Variants in DCC observed in about 807,000 individuals in gnomAD.
The protein encoded by DCC is DCC netrin 1 receptor, also known as netrin receptor DCC.
Under a neutral mutation model 172.5 loss-of-function variants are expected in DCC, and 58 were observed. The observed-to-expected ratio is 0.34, with a 90% CI of 0.27 to 0.42. DCC has a LOEUF of 0.42. Among genes scored for constraint, DCC ranks in the 10% least tolerant of loss-of-function variants. The pLI, the probability that DCC is intolerant of heterozygous loss-of-function variation, is 1.00. For synonymous variants in DCC, 709 were observed against 644.5 expected, an observed-to-expected ratio of 1.10 and a Z score of -1.52; for missense variants, 1,740 against 1,791.0, an observed-to-expected ratio of 0.97 and a Z score of 0.51.
Position 52,392,495 on chromosome 18 carries a change from A to G in DCC, c.91+51617A>G, listed in dbSNP as rs79501223. Among the ~76,000 whole-genome samples, 11 of 152,250 alleles carry G rather than the reference A, an allele frequency of 7.2e-5. No individual in the cohort carries two copies. The East Asian group carries it at 2.1e-3, about 30-fold the overall frequency. On this transcript the variant is annotated intron_variant, in intron 1 of 28. Coordinates refer to ENST00000442544, the MANE Select transcript of DCC (RefSeq NM_005215.4). ...TAGTGAGAAAGGGTAGTATATGTGT[A>G]AACCCAATTCATATTTACTTTATGT...
At position 53,027,981 on chromosome 18, in the gene DCC, G is replaced by C. The variant is rs574344624; in HGVS notation, c.986-35324G>C. Among the ~76,000 whole-genome samples the C allele has an allele frequency of 1.1e-4, 17 of 152,198 alleles. No homozygotes were observed. The East Asian group carries it at 3.3e-3, about 29-fold the overall frequency. ...TGAATAAAGATAACCATGGAGACCT[G>C]AACAGTGATATATTTAAGAATACTG... On this transcript the variant is annotated intron_variant, in intron 5 of 28. Transcript: ENST00000442544.
chr18:53,472,439 C>T (rs1284914589), intron 25 of DCC, among the ~76,000 whole-genome samples: 1 of 152,066 alleles, frequency 6.6e-6, no homozygotes, highest in Non-Finnish European at 1.5e-5. Context: ...ACTTAGTTGC[C>T]TTTTTTCCCC....
chr18:53,152,741 G>T (rs2054662381), intron 7 of DCC, among the ~76,000 whole-genome samples: 1 of 152,202 alleles, frequency 6.6e-6, no homozygotes, highest in Non-Finnish European at 1.5e-5. Flanking sequence ...GTCCTGATTG[G>T]TTCTTTATTG....
At chr18:52,467,780 G>A (rs1309903232) in intron 1 of DCC, among the ~76,000 whole-genome samples, 1 of 152,104 alleles carries the variant, frequency 6.6e-6, no homozygotes, top group Non-Finnish European at 1.5e-5. Flanking sequence ...GGTTTGATTT[G>A]CATTTCTCTA....
chr18:52,450,799 G>A (rs532953731), intron 1 of DCC, among the ~76,000 whole-genome samples: 25 of 152,110 alleles, frequency 1.6e-4, no homozygotes, highest in African/African-American at 4.8e-4. Flanking sequence ...GGAGAAAATG[G>A]CTACCACTAT....
chr18:52,981,069 A>G (rs555131539), intron 5 of DCC, among the ~76,000 whole-genome samples: 2 of 152,050 alleles, frequency 1.3e-5, no homozygotes, highest in African/African-American at 2.4e-5. Context: ...AGTAATATAC[A>G]CTCTCTGGAT....
At chr18:53,424,696 A>G (rs1424049364) in intron 21 of DCC, among the ~76,000 whole-genome samples, 1 of 152,178 alleles carries the variant, frequency 6.6e-6, no homozygotes, top group African/African-American at 2.4e-5. Flanking sequence ...AAAGTTAGGA[A>G]GCCAAGATGC....
chr18:53,169,531 T>G (rs998790661), intron 8 of DCC, among the ~76,000 whole-genome samples: 8 of 152,100 alleles, frequency 5.3e-5, no homozygotes, highest in African/African-American at 1.9e-4. Flanking sequence ...TTGGCTTAAC[T>G]CCACCACACT....
chr18:53,206,490 T>C (rs201681526), intron 10 of DCC, among the ~76,000 whole-genome samples: 2,167 of 139,822 alleles, frequency 0.015, 44 homozygotes, highest in East Asian at 0.1. Flanking sequence ...ATATATAATG[T>C]ATATGTATTA....
chr18:52,864,120 C>T (rs974685438), intron 2 of DCC, among the ~76,000 whole-genome samples: 8 of 152,178 alleles, frequency 5.3e-5, no homozygotes, highest in African/African-American at 1.9e-4. Flanking sequence ...AAATTTTTAG[C>T]CATGAGTCAG....
intron 12 of DCC, among the ~76,000 whole-genome samples, chr18:53,304,498 T>G (rs1362612307): frequency 1.3e-5 from 2 of 152,170 alleles, no homozygotes; most frequent in Non-Finnish European, 2.9e-5. Flanking sequence ...AGCTCATATC[T>G]TTGATTTACT....
At chr18:52,524,154 T>C (rs1013320130) in intron 1 of DCC, among the ~76,000 whole-genome samples, 11 of 152,226 alleles carry the variant, frequency 7.2e-5, no homozygotes, top group African/African-American at 2.7e-4. Flanking sequence ...TTCTGAAAAT[T>C]TAATGTGATG....
chr18:53,404,186 G>T (rs1318473351), intron 19 of DCC, among the ~76,000 whole-genome samples: 1 of 151,766 alleles, frequency 6.6e-6, no homozygotes, highest in African/African-American at 2.4e-5. Context: ...TAAGCTTATG[G>T]GAAATCAACA....
rs191632774 is a variant in DCC at position 52,728,772 on chromosome 18, G to A, written c.92-23282G>A. ...CAAATGAGGGCCTACGGATGAATGAGTCTCCATAGCCAATAGTTGACAGTG... is the reference window on the plus strand; with the variant it reads ...CAAATGAGGGCCTACGGATGAATGAATCTCCATAGCCAATAGTTGACAGTG... On this transcript the variant is annotated intron_variant, in intron 1 of 28. Transcript: ENST00000442544. Among the ~76,000 whole-genome samples the A allele has an allele frequency of 2.0e-5, 3 of 152,310 alleles. No individual in the cohort carries two copies. The East Asian group carries it at 5.8e-4, about 30-fold the overall frequency.
chr18:53,472,520 A>G (rs1437656379), intron 25 of DCC, among the ~76,000 whole-genome samples: 2 of 152,212 alleles, frequency 1.3e-5, no homozygotes, highest in Non-Finnish European at 2.9e-5. Flanking sequence ...TTCTTCTCAA[A>G]CATTATTGTA....
chr18:52,954,315 AT>A (rs2040706564), intron 5 of DCC, among the ~76,000 whole-genome samples: 1 of 151,924 alleles, frequency 6.6e-6, no homozygotes, highest in African/African-American at 2.4e-5. Flanking sequence ...TTTTTTCAGT[AT>A]TTTTTGGAGA....
chr18:53,325,571 A>G (rs992484036), intron 14 of DCC, among the ~76,000 whole-genome samples: 5 of 152,200 alleles, frequency 3.3e-5, no homozygotes, highest in African/African-American at 1.2e-4. Context: ...CATGTTTTTC[A>G]TATCAATGCA....
chr18:52,554,514 A>G (rs1264820177), intron 1 of DCC, among the ~76,000 whole-genome samples: 2 of 152,156 alleles, frequency 1.3e-5, no homozygotes. Context: ...TTTACAAAAG[A>G]TCAGTGACAG....
At chr18:53,378,208 G>A (rs1282314395) in intron 15 of DCC, among the ~76,000 whole-genome samples, 1 of 152,052 alleles carries the variant, frequency 6.6e-6, no homozygotes, top group Non-Finnish European at 1.5e-5. Flanking sequence ...TTATCCACCT[G>A]CCTCAGCCTC....
Sources: gnomAD v4.1 joint callset for allele counts (sites outside exome capture counted in the v4.1 genomes callset) on GRCh38, gnomAD v4.1.1 for gene constraint, MANE v1.5 for transcripts, NCBI Gene and HGNC (gene_info 2026-07-23, HGNC 2026-07-21) for gene names.